Variants in TNRC6B observed in about 807,000 individuals in gnomAD.
TNRC6B encodes trinucleotide repeat containing adaptor 6B.
In TNRC6B, 52 loss-of-function variants were observed where a neutral mutation model predicts 203.6. That is an observed-to-expected ratio of 0.26 (90% CI 0.20 to 0.32). The LOEUF (loss-of-function observed/expected upper bound fraction) is 0.32. Ranked by LOEUF, TNRC6B falls within the 10% of genes least tolerant of loss-of-function variation. TNRC6B has a pLI of 1.00. For missense variants in TNRC6B, 1,923 were observed against 2,286.2 expected (o/e 0.84, Z 3.24); for synonymous variants, 838 against 845.7 (o/e 0.99, Z 0.16).
At chr22:40,146,561 ATTTTTTTT>A (rs59901929) in intron 3 of TNRC6B, among the ~76,000 whole-genome samples, 1 of 109,226 alleles carries the variant, frequency 9.2e-6, no homozygotes, top group South Asian at 3.1e-4. Context: ...CGCCCGGCTA[ATTTTTTTT>A]TTTTTTTTTT....
rs1226900262 is a variant in TNRC6B, at chr22:40,252,403, A to G, written c.115+1203A>G. Among the ~76,000 whole-genome samples, 6 of 152,318 alleles carry G rather than the reference A, an allele frequency of 3.9e-5. No individual in the cohort carries two copies. The East Asian group carries it at 1.2e-3, about 29-fold the overall frequency. On this transcript the variant is annotated intron_variant, in intron 3 of 22. Transcript: ENST00000454349. ...ACAGGGAGGTCAAGGCTTGATGGGA[A>G]GCCCTGTAATGATTGGTTTCTTCAT...
At chr22:40,284,422 A>G (rs1474330285) in intron 11 of TNRC6B, among the ~76,000 whole-genome samples, 1 of 152,202 alleles carries the variant, frequency 6.6e-6, no homozygotes, top group Non-Finnish European at 1.5e-5. Context: ...GGTTATGATA[A>G]TGGTGGTGAT....
At chr22:40,125,832 G>A (rs2068487427) in exon 3 of TNRC6B, 1 of 1,612,296 alleles carries the variant, frequency 6.2e-7, no homozygotes. Context: ...AAACCAATGA[G>A]GGAGAAGTAT....
intron 16 of TNRC6B, among the ~76,000 whole-genome samples, chr22:40,308,928 G>A (rs2071133060): frequency 6.6e-6 from 1 of 152,252 alleles, no homozygotes; most frequent in South Asian, 2.1e-4. Flanking sequence ...GTTGGCTGAG[G>A]GAACAGAGTC....
chr22:40,208,111 CA>C lies in TNRC6B; in HGVS notation c.5+29992del, dbSNP rs905832467. ...TGGGCAATAGAGTGGGACTCCATCTCAAAAAAAAAAAAAAAAAAAAACAAAA... is the reference window on the plus strand; with the variant it reads ...TGGGCAATAGAGTGGGACTCCATCTCAAAAAAAAAAAAAAAAAAAACAAAA... On this transcript the variant is annotated intron_variant, in intron 1 of 22. Coordinates refer to ENST00000454349, the MANE Select transcript of TNRC6B (RefSeq NM_001162501.2). Among the ~76,000 whole-genome samples the C allele has an allele frequency of 4.5e-3, 340 of 74,982 alleles. 1 individual carries two copies. Among genetic ancestry groups the C allele is most frequent in the African/African-American group, 9.8e-3 (312 of 31,780 alleles). 49.2% of individuals were successfully genotyped at this position (74,982 alleles called of 152,430 possible). A position where few individuals can be genotyped will look rare whatever the true frequency, so the allele number is the denominator to read the frequency against.
intron 1 of TNRC6B, among the ~76,000 whole-genome samples, chr22:40,235,827 T>A (rs902953184): frequency 2.6e-5 from 4 of 152,216 alleles, no homozygotes; most frequent in South Asian, 2.1e-4. Context: ...TCTATTTCTG[T>A]AATGTGGGGA....
chr22:40,307,856 A>G (rs558338478), intron 15 of TNRC6B, among the ~76,000 whole-genome samples: 43 of 152,230 alleles, frequency 2.8e-4, no homozygotes, highest in African/African-American at 9.4e-4. Context: ...AATGTTCACT[A>G]TCTTCTTATC....
At chr22:40,289,624 G>A (rs886202838) in intron 12 of TNRC6B, among the ~76,000 whole-genome samples, 4 of 151,940 alleles carry the variant, frequency 2.6e-5, no homozygotes, top group African/African-American at 9.7e-5. Context: ...TCTCCTTTAC[G>A]AGTTCCTCCT....
In TNRC6B at chr22:40,114,482, C is replaced by T. The variant is rs548364970; in HGVS notation, c.-120-2573C>T. On this transcript the variant is annotated intron_variant, in intron 1 of 23. Transcript: ENST00000301923. ...ACTACAGGCACATGCCACCATGCCC[C>T]GTTAATTTTTTACATTTTTTTGTAG... Among the ~76,000 whole-genome samples the T allele has an allele frequency of 6.6e-5, 10 of 152,090 alleles. No homozygotes were observed. The South Asian group carries it at 1.7e-3, about 25-fold the overall frequency.
At chr22:40,092,231 C>T (rs1271165269) in intron 1 of TNRC6B, among the ~76,000 whole-genome samples, 1 of 151,902 alleles carries the variant, frequency 6.6e-6, no homozygotes, top group Non-Finnish European at 1.5e-5. Flanking sequence ...GGAGAAACCC[C>T]ATCTCTACTA....
chr22:40,322,494 GC>G (rs1437024208), intron 22 of TNRC6B, among the ~76,000 whole-genome samples: 1 of 152,072 alleles, frequency 6.6e-6, no homozygotes, highest in African/African-American at 2.4e-5. Flanking sequence ...ATCCCTCTTA[GC>G]CCCCCACAGA....
chr22:40,237,961 T>A (rs979261831), intron 1 of TNRC6B, among the ~76,000 whole-genome samples: 1 of 152,086 alleles, frequency 6.6e-6, no homozygotes, highest in Non-Finnish European at 1.5e-5. Context: ...ATATCCTGAT[T>A]GTGTCACAGG....
chr22:40,290,983 T>C (rs1256559416), intron 12 of TNRC6B, among the ~76,000 whole-genome samples: 1 of 152,170 alleles, frequency 6.6e-6, no homozygotes, highest in Non-Finnish European at 1.5e-5. Context: ...TTTTTGAATT[T>C]TGTTTTATTT....
In TNRC6B at chr22:40,105,854, A is replaced by T. The variant is rs373179434; in HGVS notation, c.-120-11201A>T. On this transcript the variant is annotated intron_variant, in intron 1 of 23. Coordinates refer to the TNRC6B transcript ENST00000301923. ...AACTTTAGCAGAATCAAGCCAAACC[A>T]TTCTCCAAAGTAGATGTAATAATTT... Among the ~76,000 whole-genome samples the T allele has an allele frequency of 1.2e-4, 18 of 152,260 alleles. 2 individuals carry two copies. Among genetic ancestry groups the T allele is most frequent in the Admixed American group, 9.8e-4 (15 of 15,294 alleles).
intron 4 of TNRC6B, among the ~76,000 whole-genome samples, chr22:40,166,860 A>G (rs2068924255): frequency 6.6e-6 from 1 of 150,470 alleles, no homozygotes; most frequent in Non-Finnish European, 1.5e-5. Context: ...GTGTCACCAC[A>G]CTCCAGCCTG....
intron 1 of TNRC6B, among the ~76,000 whole-genome samples, chr22:40,058,626 A>G (rs1208857194): frequency 2.6e-5 from 4 of 152,170 alleles, no homozygotes; most frequent in Non-Finnish European, 4.4e-5. Context: ...CCTTGGGCTT[A>G]TCATTCAGGG....
intron 22 of TNRC6B, 137 bp from the exon 23 acceptor site, chr22:40,322,717 A>G: frequency 9.7e-7 from 1 of 1,027,152 alleles, no homozygotes; most frequent in Non-Finnish European, 1.4e-6. Flanking sequence ...TGGACTTTGC[A>G]TTCTAAAAAG....
chr22:40,278,384 C>A (rs1209420647), intron 9 of TNRC6B, among the ~76,000 whole-genome samples: 1 of 151,740 alleles, frequency 6.6e-6, no homozygotes, highest in Non-Finnish European at 1.5e-5. Flanking sequence ...ATGGTGAAAC[C>A]CCATCTCTAC....
At chr22:40,106,055 G>A (rs559738516) in intron 1 of TNRC6B, among the ~76,000 whole-genome samples, 2 of 151,962 alleles carry the variant, frequency 1.3e-5, no homozygotes, top group South Asian at 4.2e-4. Flanking sequence ...TATGTTTATT[G>A]GCCATTTGGA....
Sources: allele counts gnomAD v4.1 joint callset (sites outside exome capture counted in the v4.1 genomes callset), GRCh38; gene constraint gnomAD v4.1.1; transcripts MANE v1.5; gene names NCBI Gene and HGNC (gene_info 2026-07-23, HGNC 2026-07-21).